The following ERCC6 variants were observed in gnomAD, a reference collection of about 807,000 sequenced individuals.
ERCC6 encodes the protein DNA excision repair protein ERCC-6.
In ERCC6, 116 loss-of-function variants were observed where a neutral mutation model predicts 158.7. The ratio of observed to expected loss-of-function variants is 0.73; its 90% CI spans 0.63 to 0.85. The LOEUF (loss-of-function observed/expected upper bound fraction) is 0.85, where lower values mean the gene tolerates loss of function less well. Among genes scored for constraint, ERCC6 ranks in the 40% least tolerant of loss-of-function variants. The probability of loss-of-function intolerance (pLI) is 0.00; values close to 1 mark genes in which losing one functional copy is unlikely to be tolerated. For synonymous variants in ERCC6, 678 were observed against 659.3 expected, an observed-to-expected ratio of 1.03 and a Z score of -0.43; for missense variants, 1,698 against 1,799.4, an observed-to-expected ratio of 0.94 and a Z score of 1.02.
At chr10:49,487,598 C>G (rs540328862) in intron 8 of ERCC6, among the ~76,000 whole-genome samples, 1 of 152,166 alleles carries the variant, frequency 6.6e-6, no homozygotes, top group African/African-American at 2.4e-5. Flanking sequence ...GTCAGACCTG[C>G]GACCTTTAGA....
At position 49,524,234 on chromosome 10, in the gene ERCC6, C is replaced by T. The variant is rs2228528; in HGVS notation, c.1196G>A (p.Gly399Asp). 284,048 of 1,613,894 alleles carry T rather than the reference C, an allele frequency of 0.18. 27,994 individuals carry two copies. Among genetic ancestry groups the T allele is most frequent in the East Asian group, 0.45 (20,205 of 44,830 alleles). Residue 399 changes from glycine (G) to aspartate (D), a missense_variant, in exon 5 of 21, where the codon GGT becomes GAT. Coordinates refer to ENST00000355832, the MANE Select transcript of ERCC6 (RefSeq NM_000124.4). ...EGAEADLSGDGTDYELKPLPK... is the reference protein window; with the variant it reads ...EGAEADLSGDDTDYELKPLPK... ...CAGAGGCTTCAGCTCATAGTCAGTA[C>T]CATCTCCAGACAGGTCCGCCTCTGC... is the stretch of plus-strand genomic sequence containing the variant.
At chr10:49,447,966 C>A in the ERCC6 span, among the ~76,000 whole-genome samples, 1 of 152,152 alleles carries the variant, frequency 6.6e-6, no homozygotes, top group Non-Finnish European at 1.5e-5. Context: ...ACTGTGTCCA[C>A]ATTTTGACCA....
intron 11 of ERCC6, among the ~76,000 whole-genome samples, chr10:49,477,570 T>C (rs1018521431): frequency 6.6e-6 from 1 of 152,126 alleles, no homozygotes; most frequent in Non-Finnish European, 1.5e-5. Flanking sequence ...CTGGGTCCTT[T>C]CCAGGTCACC....
At chr10:49,434,965 A>G in the ERCC6 span, among the ~76,000 whole-genome samples, 5 of 152,216 alleles carry the variant, frequency 3.3e-5, no homozygotes, top group Non-Finnish European at 7.3e-5. Flanking sequence ...CTGTATACTG[A>G]TGAAAATTAT....
At chr10:49,492,197 C>G (rs1426687648) in intron 8 of ERCC6, among the ~76,000 whole-genome samples, 1 of 152,136 alleles carries the variant, frequency 6.6e-6, no homozygotes, top group Non-Finnish European at 1.5e-5. Flanking sequence ...ACAAACACAA[C>G]AGGAATCCTG....
chr10:49,479,928 G>A (rs1850947294), intron 10 of ERCC6, among the ~76,000 whole-genome samples: 1 of 152,212 alleles, frequency 6.6e-6, no homozygotes, highest in Non-Finnish European at 1.5e-5. Flanking sequence ...CAGTGCTGTG[G>A]AAAACAGACA....
chr10:49,522,667 T>C (rs145235527), intron 5 of ERCC6, among the ~76,000 whole-genome samples: 59 of 152,350 alleles, frequency 3.9e-4, no homozygotes, highest in Admixed American at 2.7e-3. Context: ...CCCAATTTAA[T>C]TGGAAAAATA....
Position 49,524,229 on chromosome 10 carries a change from C to T in ERCC6, c.1201G>A (p.Asp401Asn), listed in dbSNP as rs1564442219. The T allele has an allele frequency of 1.9e-6, 3 of 1,614,130 alleles. No homozygotes were observed. Among genetic ancestry groups the T allele is most frequent in the East Asian group, 2.2e-5 (1 of 44,874 alleles). ...AEADLSGDGT[D>N]YELKPLPKGG... ...TTGGGCAGAGGCTTCAGCTCATAGT[C>T]AGTACCATCTCCAGACAGGTCCGCC... The change falls in exon 5 of 21, where the codon GAC becomes AAC. Residue 401 changes from aspartate (D) to asparagine (N), a missense_variant. Coordinates refer to ENST00000355832, the MANE Select transcript of ERCC6 (RefSeq NM_000124.4).
At chr10:49,509,399 C>A (rs900627000) in intron 5 of ERCC6, among the ~76,000 whole-genome samples, 1 of 152,128 alleles carries the variant, frequency 6.6e-6, no homozygotes, top group Admixed American at 6.6e-5. Context: ...CATATTGCAA[C>A]GTACTCTGTT....
intron 7 of ERCC6, among the ~76,000 whole-genome samples, chr10:49,494,062 A>G (rs1292351734): frequency 6.6e-6 from 1 of 152,230 alleles, no homozygotes; most frequent in Non-Finnish European, 1.5e-5. Flanking sequence ...ATACTGCAGA[A>G]AAAGTGGGTG....
intron 3 of ERCC6, 123 bp downstream of exon 3, chr10:49,530,597 T>C: frequency 2.7e-6 from 4 of 1,465,926 alleles, no homozygotes; most frequent in Non-Finnish European, 3.6e-6. Context: ...CCAAAATTTC[T>C]CTATTGTAAT....
intron 7 of ERCC6, among the ~76,000 whole-genome samples, chr10:49,498,777 T>C (rs924827493): frequency 9.9e-5 from 15 of 152,196 alleles, no homozygotes; most frequent in Middle Eastern, 3.2e-3. Context: ...AAAACTACAC[T>C]GCAGGGATGA....
At chr10:49,498,995 A>G (rs1851311615) in intron 7 of ERCC6, among the ~76,000 whole-genome samples, 1 of 152,258 alleles carries the variant, frequency 6.6e-6, no homozygotes, top group East Asian at 1.9e-4. Context: ...AGCCAACCAA[A>G]GAGCTTATTT....
intron 8 of ERCC6, among the ~76,000 whole-genome samples, chr10:49,489,476 C>T (rs1590424461): frequency 6.6e-6 from 1 of 152,154 alleles, no homozygotes; most frequent in Non-Finnish European, 1.5e-5. Context: ...TTCGCCCAAG[C>T]TTGCAAAGTT....
At chr10:49,497,638 C>T (rs1414793793) in intron 7 of ERCC6, among the ~76,000 whole-genome samples, 4 of 152,134 alleles carry the variant, frequency 2.6e-5, no homozygotes, top group Non-Finnish European at 4.4e-5. Flanking sequence ...CACAGCAGGA[C>T]AATCAACTCC....
intron 3 of ERCC6, 30 bp from the exon 4 acceptor site, chr10:49,528,555 C>T: frequency 6.2e-7 from 1 of 1,612,360 alleles, no homozygotes; most frequent in South Asian, 1.1e-5. Flanking sequence ...AGACAGAAAA[C>T]AGCAATGAAG....
chr10:49,464,623 G>A lies in ERCC6; in HGVS notation c.3779-3067C>T, dbSNP rs376028937. ...GCCCAGGGGGAAAAAGTGGTTTCAC[G>A]GGCCTGGCCCATGGTCCCCATGCTG... On this transcript the variant is annotated intron_variant, in intron 18 of 20. Transcript: ENST00000355832. 1.3e-4 allele frequency among the ~76,000 whole-genome samples: 20 copies of A among 152,320 alleles called. 1 individual carries two copies. Among genetic ancestry groups the A allele is most frequent in the African/African-American group, 4.1e-4 (17 of 41,588 alleles).
intron 18 of ERCC6, among the ~76,000 whole-genome samples, chr10:49,465,337 T>C (rs7086144): frequency 0.11 from 17,057 of 152,236 alleles, 1,361 homozygotes; most frequent in East Asian, 0.43. Flanking sequence ...GTAACCCTAT[T>C]GTATCTAGGA....
intron 5 of ERCC6, among the ~76,000 whole-genome samples, chr10:49,510,680 G>C (rs1223976671): frequency 6.6e-6 from 1 of 152,162 alleles, no homozygotes; most frequent in Admixed American, 6.5e-5. Context: ...ACTAGAGACT[G>C]GTATAATGCC....
Sources: allele counts gnomAD v4.1 joint callset (sites outside exome capture counted in the v4.1 genomes callset), GRCh38; gene constraint gnomAD v4.1.1; transcripts MANE v1.5; gene names NCBI Gene and HGNC (gene_info 2026-07-23, HGNC 2026-07-21).